PDE10A: variants seen among roughly 807,000 people sequenced by gnomAD.
PDE10A encodes the protein cAMP and cAMP-inhibited cGMP 3',5'-cyclic phosphodiesterase 10A.
A neutral mutation model predicts 97.7 loss-of-function variants in PDE10A; 39 were observed. The ratio of observed to expected loss-of-function variants is 0.40; its 90% CI spans 0.31 to 0.52. PDE10A has a LOEUF of 0.52. Among genes scored for constraint, PDE10A ranks in the 20% least tolerant of loss-of-function variants. The pLI is 0.56. For synonymous variants in PDE10A, 371 were observed against 376.8 expected (o/e 0.98, Z 0.18); for missense variants, 731 against 1,047.8 (o/e 0.70, Z 4.17).
At chr6:165,519,354 A>G (rs371720054) in intron 2 of PDE10A, among the ~76,000 whole-genome samples, 1 of 152,290 alleles carries the variant, frequency 6.6e-6, no homozygotes, top group East Asian at 1.9e-4. Context: ...AGAAATCACA[A>G]CTTCTAAAAC....
At chr6:165,936,022 G>A (rs1583308405) in intron 1 of PDE10A, among the ~76,000 whole-genome samples, 1 of 152,216 alleles carries the variant, frequency 6.6e-6, no homozygotes, top group Middle Eastern at 3.2e-3. Context: ...TGTAGGTGAT[G>A]CACATAAGGA....
intron 1 of PDE10A, among the ~76,000 whole-genome samples, chr6:165,643,998 A>G (rs1453716243): frequency 1.3e-5 from 2 of 152,228 alleles, no homozygotes; most frequent in Non-Finnish European, 2.9e-5. Flanking sequence ...TTTTTAAAAG[A>G]AAGCTGAAAA....
chr6:165,335,524 C>G (rs552977273), intron 21 of PDE10A, among the ~76,000 whole-genome samples: 1 of 152,070 alleles, frequency 6.6e-6, no homozygotes, highest in South Asian at 2.1e-4. Context: ...TGTGGCTGTA[C>G]GAGTCATGAG....
chr6:165,808,530 G>T (rs1376485034), intron 1 of PDE10A, among the ~76,000 whole-genome samples: 2 of 152,144 alleles, frequency 1.3e-5, no homozygotes, highest in Non-Finnish European at 2.9e-5. Context: ...AATGCAGAAA[G>T]TTAGATGAGA....
At chr6:165,976,459 A>C (rs969524521) in intron 1 of PDE10A, among the ~76,000 whole-genome samples, 29 of 152,206 alleles carry the variant, frequency 1.9e-4, no homozygotes, top group African/African-American at 7.0e-4. Context: ...TATAGCTCAA[A>C]GCCAAGAGTT....
At chr6:165,391,974 T>C (rs889991368) in intron 16 of PDE10A, among the ~76,000 whole-genome samples, 8 of 152,190 alleles carry the variant, frequency 5.3e-5, no homozygotes, top group Non-Finnish European at 5.9e-5. Context: ...TGTCAGTAGA[T>C]ACTACCAGGA....
chr6:165,644,888 C>A (rs1293386903), intron 1 of PDE10A, among the ~76,000 whole-genome samples: 1 of 152,166 alleles, frequency 6.6e-6, no homozygotes, highest in South Asian at 2.1e-4. Context: ...TCTGGATTTA[C>A]GTTGATCTCC....
chr6:165,494,378 T>C (rs533714391), intron 2 of PDE10A, among the ~76,000 whole-genome samples: 22 of 150,642 alleles, frequency 1.5e-4, no homozygotes, highest in Non-Finnish European at 3.2e-4. Flanking sequence ...TGCATGTTTA[T>C]AGCAGCACCA....
upstream of PDE10A, chr6:165,988,040 G>A: frequency 4.5e-6 from 2 of 444,188 alleles, no homozygotes; most frequent in Non-Finnish European, 9.1e-6. Flanking sequence ...TCTCAGGAAC[G>A]ACTCTCCCGG....
At chr6:165,792,717 G>C (rs1168238012) in intron 1 of PDE10A, among the ~76,000 whole-genome samples, 2 of 152,042 alleles carry the variant, frequency 1.3e-5, no homozygotes, top group Non-Finnish European at 2.9e-5. Flanking sequence ...TTCAAGTCCA[G>C]ACTCCAGTAC....
At chr6:165,926,089 T>C (rs1475518493) in intron 1 of PDE10A, among the ~76,000 whole-genome samples, 2 of 152,238 alleles carry the variant, frequency 1.3e-5, no homozygotes, top group Non-Finnish European at 2.9e-5. Context: ...ATATGCAGTG[T>C]ACTTGTTTCT....
At chr6:165,823,482 T>TTATATATATATATATA (rs748139541) in intron 1 of PDE10A, among the ~76,000 whole-genome samples, 3 of 37,470 alleles carry the variant, frequency 8.0e-5, no homozygotes, top group Non-Finnish European at 1.1e-4. Context: ...ATAGTTAACT[T>TTATATATATATATATA]TATATATATA....
At chr6:165,609,872 T>C (rs1311419650) in intron 1 of PDE10A, among the ~76,000 whole-genome samples, 3 of 152,154 alleles carry the variant, frequency 2.0e-5, no homozygotes, top group Non-Finnish European at 4.4e-5. Context: ...CACAAACAAA[T>C]GGAAGAACAT....
chr6:165,461,972 G>C (rs1778353671), intron 3 of PDE10A, among the ~76,000 whole-genome samples: 1 of 152,216 alleles, frequency 6.6e-6, no homozygotes, highest in African/African-American at 2.4e-5. Flanking sequence ...TGGGAGACTA[G>C]CTTATGTACA....
chr6:165,728,533 T>C (rs1179120953), intron 1 of PDE10A, among the ~76,000 whole-genome samples: 1 of 152,110 alleles, frequency 6.6e-6, no homozygotes, highest in African/African-American at 2.4e-5. Context: ...ATTATCACCA[T>C]GCAAAAAACT....
intron 1 of PDE10A, among the ~76,000 whole-genome samples, chr6:165,843,605 C>T (rs1217262943): frequency 6.6e-6 from 1 of 152,134 alleles, no homozygotes; most frequent in Non-Finnish European, 1.5e-5. Flanking sequence ...TTTCCACGGA[C>T]ACCCACCCCA....
chr6:165,558,999 A>T (rs975106142), intron 1 of PDE10A, among the ~76,000 whole-genome samples: 22 of 83,092 alleles, frequency 2.6e-4, no homozygotes, highest in Non-Finnish European at 4.0e-4. Context: ...CAATTCAAGT[A>T]AAAAAAAAAA....
chr6:165,471,894 T>G (rs139387504), intron 3 of PDE10A, among the ~76,000 whole-genome samples: 10 of 152,302 alleles, frequency 6.6e-5, no homozygotes, highest in African/African-American at 2.2e-4. Flanking sequence ...ATTTCTGAAC[T>G]TTTGTTTGCG....
intron 1 of PDE10A, among the ~76,000 whole-genome samples, chr6:165,900,087 G>C (rs1358734403): frequency 1.3e-5 from 2 of 152,208 alleles, no homozygotes; most frequent in African/African-American, 4.8e-5. Flanking sequence ...CTTGCCCTGT[G>C]AGGGTGATGG....
Sources: gnomAD v4.1 joint callset for allele counts (sites outside exome capture counted in the v4.1 genomes callset) on GRCh38, gnomAD v4.1.1 for gene constraint, MANE v1.5 for transcripts, NCBI Gene and HGNC (gene_info 2026-07-23, HGNC 2026-07-21) for gene names.